Variants in RPN1 observed in about 807,000 individuals in gnomAD.
The protein encoded by RPN1 is ribophorin I.
RPN1 carries 12 observed loss-of-function variants against 55.5 expected under a neutral mutation model. The ratio of observed to expected loss-of-function variants is 0.22; its 90% confidence interval spans 0.14 to 0.35. The LOEUF (loss-of-function observed/expected upper bound fraction) is 0.35. Among genes scored for constraint, RPN1 ranks in the 10% least tolerant of loss-of-function variants. The probability of loss-of-function intolerance (pLI) is 1.00; values close to 1 mark genes in which losing one functional copy is unlikely to be tolerated. For missense variants in RPN1, 679 were observed against 761.3 expected, an observed-to-expected ratio of 0.89 and a Z score of 1.27; for synonymous variants, 317 against 305.9, an observed-to-expected ratio of 1.04 and a Z score of -0.38.
At chr3:128,633,089 A>AT (rs1427501761) in intron 3 of RPN1, among the ~76,000 whole-genome samples, 3 of 152,234 alleles carry the variant, frequency 2.0e-5, no homozygotes, top group African/African-American at 7.2e-5. Context: ...ACTCATAATC[A>AT]TATTTGATAG....
chr3:128,624,015 A>G (rs1450629248), intron 8 of RPN1, among the ~76,000 whole-genome samples: 1 of 151,882 alleles, frequency 6.6e-6, no homozygotes, highest in Non-Finnish European at 1.5e-5. Flanking sequence ...GCACACACAC[A>G]CACACACAGT....
Position 128,625,862 on chromosome 3 carries a change from G to A in RPN1, c.1275+12C>T. 1.2e-6 allele frequency: 2 copies of A among 1,604,568 alleles called. No homozygotes were observed. The highest frequency in any genetic ancestry group is 1.7e-6 in the Non-Finnish European group (2 of 1,175,722). ...GAAGACGCCATGGAAGGCAAACAGT[G>A]GAGCCACTCACCACAATGTCCTGAA... On this transcript the variant is annotated intron_variant, in intron 7 of 9. Transcript: ENST00000296255.
Position 128,620,008 on chromosome 3 carries a change from C to A in RPN1, c.*403G>T, listed in dbSNP as rs1291874069. 2.4e-5 allele frequency: 5 copies of A among 211,260 alleles called. No individual in the cohort carries two copies. In the Admixed American group the frequency reaches 2.5e-4, roughly 10 times the overall value. 13.1% of individuals were successfully genotyped at this position (211,260 alleles called of 1,614,324 possible). On this transcript the variant is annotated 3_prime_UTR_variant, in exon 10 of 10. Coordinates refer to ENST00000296255, the MANE Select transcript of RPN1 (RefSeq NM_002950.4). Reference sequence around the variant, plus strand: ...CCTGCTTTATTTCCATTTGTTCACACACGCTTTAAAAAAAAAAAAAAAAAC... The same window carrying A: ...CCTGCTTTATTTCCATTTGTTCACAAACGCTTTAAAAAAAAAAAAAAAAAC...
At chr3:128,633,234 T>TC (rs1162750893) in intron 3 of RPN1, among the ~76,000 whole-genome samples, 1 of 151,810 alleles carries the variant, frequency 6.6e-6, no homozygotes. Context: ...TTTTCTTTTT[T>TC]TTTTTAAATT....
At chr3:128,640,001 G>A (rs892781782) in intron 2 of RPN1, among the ~76,000 whole-genome samples, 6 of 152,004 alleles carry the variant, frequency 3.9e-5, no homozygotes, top group African/African-American at 1.2e-4. Context: ...GTGAAACCCT[G>A]TCTCTACTAA....
At position 128,649,000 on chromosome 3, in the gene RPN1, A is replaced by C. The variant is rs549863191; in HGVS notation, c.261+1540T>G. The stretch of plus-strand genomic sequence containing the variant: ...CCTTAAATGGTTGCTATGAGGGCTA[A>C]ATGAGAATATATTTAAAATACCCAC... On this transcript the variant is annotated intron_variant, in intron 1 of 9. Transcript: ENST00000296255. Among the ~76,000 whole-genome samples the C allele has an allele frequency of 1.3e-3, 194 of 152,314 alleles. 1 individual carries two copies. The highest frequency in any genetic ancestry group is 4.4e-3 in the African/African-American group (184 of 41,578).
intron 5 of RPN1, among the ~76,000 whole-genome samples, chr3:128,628,605 C>A (rs796989168): frequency 2.4e-5 from 3 of 126,236 alleles, no homozygotes; most frequent in Non-Finnish European, 3.6e-5. Context: ...TTGTAGAGAC[C>A]CGTTTTCACC....
In RPN1 at chr3:128,632,025, C is replaced by G; in HGVS notation, c.766G>C (p.Val256Leu). 1 of 1,614,192 alleles carries G rather than the reference C, an allele frequency of 6.2e-7. No homozygotes were observed. Among genetic ancestry groups the G allele is most frequent in the South Asian group, 1.1e-5 (1 of 91,090 alleles). ...ENVDLKHTGA[V>L]LKGPFSRYDY... ...TAGCGTGAGAAAGGCCCCTTAAGCA[C>G]AGCTCCTGTGTGCTTTAAGTCCACA... Residue 256 changes from valine (V) to leucine (L), a missense_variant, in exon 4 of 10, where the codon GTG (valine) becomes CTG (leucine). This residue lies in a region of RPN1 where 352 missense variants were observed against 352.8 expected (regional missense o/e 1.00). Transcript: ENST00000296255.
At position 128,637,843 on chromosome 3, in the gene RPN1, G is replaced by A; in HGVS notation, c.589C>T (p.Leu197=). 2 of 1,613,728 alleles carry A rather than the reference G, an allele frequency of 1.2e-6. No individual in the cohort carries two copies. The highest frequency in any genetic ancestry group is 1.7e-6 in the Non-Finnish European group (2 of 1,180,032). The change falls in exon 3 of 10, where the codon CTA becomes TTA. Residue 197 remains leucine (L), a synonymous_variant. Coordinates refer to ENST00000296255, the MANE Select transcript of RPN1 (RefSeq NM_002950.4). ...KLGNPTRSED[L]LDYGPFRDVP... is the part of the protein sequence containing the mutation. ...TCTCTGAAAGGCCCATAATCCAGTA[G>A]GTCCTCAGAGCGCGTGGGGTTCCCC...
chr3:128,650,454 G>C (rs1475216778), intron 1 of RPN1, 86 bp downstream of exon 1: 1 of 1,360,276 alleles, frequency 7.4e-7, no homozygotes, highest in Non-Finnish European at 9.9e-7. Context: ...CTGAGGCCTA[G>C]AGGGGCGCGG....
Position 128,637,997 on chromosome 3 carries a change from C to A in RPN1, c.435G>T (p.Gln145His). ...CAAACTGTTTCTCTGACTGGGTGAT[C>A]TGGGTTGGATACGGATGAAGCACAT... ...YTHVLHPYPT[Q>H]ITQSEKQFVV... Residue 145 changes from glutamine to histidine, a missense_variant, in exon 3 of 10, where the codon CAG (glutamine) becomes CAT (histidine). By Grantham distance (24) the Gln-to-His change is conservative (BLOSUM62 0). Transcript: ENST00000296255. The A allele has an allele frequency of 1.2e-6, 2 of 1,614,100 alleles. No homozygotes were observed. The highest frequency in any genetic ancestry group is 1.1e-5 in the South Asian group (1 of 91,078).
In RPN1 at chr3:128,645,000, T is replaced by A; in HGVS notation, c.262-17A>T. 2.0e-6 allele frequency: 3 copies of A among 1,466,238 alleles called. No individual in the cohort carries two copies. The highest frequency in any genetic ancestry group is 2.9e-6 in the Non-Finnish European group (3 of 1,045,904). 90.8% of individuals were successfully genotyped at this position (1,466,238 alleles called of 1,614,324 possible). A position where few individuals can be genotyped will look rare whatever the true frequency, so the allele number is the denominator to read the frequency against. On this transcript the variant is annotated splice_polypyrimidine_tract_variant and intron_variant, in intron 1 of 9. Coordinates refer to ENST00000296255, the MANE Select transcript of RPN1 (RefSeq NM_002950.4). Reference sequence around the variant, plus strand: ...TCCCTTTACCTACAACAGAAAAAGATAGTTTATTATTCATGTCTTTTGGCT... The same window carrying A: ...TCCCTTTACCTACAACAGAAAAAGAAAGTTTATTATTCATGTCTTTTGGCT...
chr3:128,628,265 C>T (rs1576793247), intron 5 of RPN1, among the ~76,000 whole-genome samples: 2 of 126,090 alleles, frequency 1.6e-5, no homozygotes, highest in South Asian at 5.2e-4. Flanking sequence ...CGCTCCACTG[C>T]ACTCCAGCCT....
chr3:128,627,143 C>T (rs13073497), intron 5 of RPN1: 131 of 344,848 alleles, frequency 3.8e-4, no homozygotes, highest in African/African-American at 1.7e-3. Flanking sequence ...AACACACAAC[C>T]GGGATTCCCT....
chr3:128,639,673 C>T (rs535816228), intron 2 of RPN1, among the ~76,000 whole-genome samples: 68 of 151,934 alleles, frequency 4.5e-4, no homozygotes, highest in African/African-American at 1.4e-3. Context: ...CCGCAACCTC[C>T]GCCTGCTGGG....
rs2069602905 is a variant in RPN1, at chr3:128,626,825, C to G, written c.1044G>C (p.Gln348His). 6.2e-7 allele frequency: 1 copy of G among 1,613,778 alleles called. No homozygotes were observed. The highest frequency in any genetic ancestry group is 1.3e-5 in the African/African-American group (1 of 74,914). ...CCACAAACCTCATCTTCAGTGCATA[C>G]TGGTCACCTGAAGGATCAAGCAAGC... ...SYEYLYNLGD[Q>H]YALKMRFVDH... Residue 348 changes from glutamine (Q) to histidine (H), a missense_variant, in exon 6 of 10, where the codon CAG (glutamine) becomes CAC (histidine). This residue lies in a region of RPN1 where 306 missense variants were observed against 360.0 expected (regional missense o/e 0.85). Coordinates refer to ENST00000296255, the MANE Select transcript of RPN1 (RefSeq NM_002950.4).
At chr3:128,634,851 G>A (rs1227021866) in intron 3 of RPN1, among the ~76,000 whole-genome samples, 1 of 152,018 alleles carries the variant, frequency 6.6e-6, no homozygotes, top group African/African-American at 2.4e-5. Flanking sequence ...CTGAGCCACC[G>A]CACCCAGCCT....
At chr3:128,638,898 G>A (rs989273712) in intron 2 of RPN1, among the ~76,000 whole-genome samples, 4 of 152,010 alleles carry the variant, frequency 2.6e-5, no homozygotes, top group African/African-American at 4.8e-5. Flanking sequence ...CCCGGGAGGC[G>A]GAGGTTGCAG....
chr3:128,649,611 G>A (rs2069798454), intron 1 of RPN1, among the ~76,000 whole-genome samples: 1 of 152,120 alleles, frequency 6.6e-6, no homozygotes, highest in African/African-American at 2.4e-5. Context: ...CAAATAATTA[G>A]GTAATCATTT....
Sources: gnomAD v4.1 joint callset for allele counts (sites outside exome capture counted in the v4.1 genomes callset) on GRCh38, gnomAD v4.1.1 for gene constraint, gnomAD v4.1.1 regional missense constraint, MANE v1.5 for transcripts, NCBI Gene and HGNC (gene_info 2026-07-23, HGNC 2026-07-21) for gene names.